Variants in FBXO38 observed in about 807,000 individuals in gnomAD.
FBXO38 encodes F-box only protein 38.
In FBXO38, 53 loss-of-function variants were observed where a neutral mutation model predicts 131.9. The observed-to-expected ratio is 0.40, with a 90% confidence interval of 0.32 to 0.51. The LOEUF (loss-of-function observed/expected upper bound fraction) is 0.51, where lower values mean the gene tolerates loss of function less well. FBXO38 is among the 20% of genes least tolerant of loss of function. The probability of loss-of-function intolerance (pLI) is 0.53; values close to 1 mark genes in which losing one functional copy is unlikely to be tolerated. For synonymous variants in FBXO38, 452 were observed against 505.6 expected, an observed-to-expected ratio of 0.89 and a Z score of 1.42; for missense variants, 1,076 against 1,475.6, an observed-to-expected ratio of 0.73 and a Z score of 4.44.
chr5:148,401,547 A>T (rs1752150767), intron 3 of FBXO38, among the ~76,000 whole-genome samples: 1 of 152,184 alleles, frequency 6.6e-6, no homozygotes, highest in South Asian at 2.1e-4. Context: ...TGAGGATCAT[A>T]TCTTATTTAT....
intron 15 of FBXO38, among the ~76,000 whole-genome samples, chr5:148,428,737 TG>T (rs751534461): frequency 2.0e-4 from 30 of 152,240 alleles, no homozygotes; most frequent in Non-Finnish European, 3.7e-4. Flanking sequence ...CAGTGCTTTT[TG>T]TATATTCAAA....
chr5:148,412,013 G>A (rs1752787857), intron 9 of FBXO38, among the ~76,000 whole-genome samples: 1 of 152,152 alleles, frequency 6.6e-6, no homozygotes, highest in Non-Finnish European at 1.5e-5. Flanking sequence ...TAGGTCTACT[G>A]AAGAATTGTC....
At chr5:148,435,824 C>G (rs531984151) in intron 17 of FBXO38, among the ~76,000 whole-genome samples, 1 of 152,154 alleles carries the variant, frequency 6.6e-6, no homozygotes, top group Non-Finnish European at 1.5e-5. Context: ...TTTACTTGAA[C>G]ACTTAGAGGC....
At chr5:148,428,363 G>T (rs984002294) in intron 15 of FBXO38, among the ~76,000 whole-genome samples, 1 of 152,160 alleles carries the variant, frequency 6.6e-6, no homozygotes, top group Non-Finnish European at 1.5e-5. Flanking sequence ...AGCTTCCTGT[G>T]TATACCCCTC....
At chr5:148,438,303 C>T (rs201308834) in intron 17 of FBXO38, 29 bp from the exon 18 acceptor site, 101 of 1,610,020 alleles carry the variant, frequency 6.3e-5, no homozygotes, top group African/African-American at 3.2e-4. Flanking sequence ...ATGATATGTA[C>T]GGAGCTTACC....
At chr5:148,441,844 C>A in intron 21 of FBXO38, 125 bp from the exon 22 acceptor site, 1 of 664,416 alleles carries the variant, frequency 1.5e-6, no homozygotes, top group Admixed American at 3.4e-5. Context: ...CATTCCTTGA[C>A]CTATTCATGC....
At chr5:148,414,417 T>A in intron 10 of FBXO38, 111 bp downstream of exon 10, 1 of 1,006,540 alleles carries the variant, frequency 9.9e-7, no homozygotes, top group South Asian at 1.7e-5. Flanking sequence ...TGTAGGTATT[T>A]CATTTGGATT....
chr5:148,427,860 G>A lies in FBXO38; in HGVS notation c.2566G>A (p.Asp856Asn). 6.3e-7 allele frequency: 1 copy of A among 1,589,214 alleles called. No individual in the cohort carries two copies. The highest frequency in any genetic ancestry group is 8.6e-7 in the Non-Finnish European group (1 of 1,168,806). Residue 856 changes from aspartate to asparagine, a missense_variant, in exon 15 of 22, where the codon GAC (aspartate) becomes AAC (asparagine). Asp to Asn is a conservative substitution (Grantham distance 23). Coordinates refer to ENST00000340253, the MANE Select transcript of FBXO38 (RefSeq NM_205836.3). ...RRGSSQPESCDVQSNEDYPRR... is the reference protein window; with the variant it reads ...RRGSSQPESCNVQSNEDYPRR... ...GGGGAGCTCCCAGCCTGAGAGTTGT[G>A]ACGTGCAGTCTAATGAAGACTACCC...
chr5:148,401,916 G>C (rs907875428), intron 3 of FBXO38, 66 bp from the exon 4 acceptor site: 18 of 1,440,438 alleles, frequency 1.2e-5, no homozygotes, highest in Non-Finnish European at 1.7e-5. Context: ...TAAAAATCAC[G>C]AGTGCCTAGT....
intron 15 of FBXO38, among the ~76,000 whole-genome samples, chr5:148,431,909 C>T (rs916183724): frequency 6.6e-6 from 1 of 152,134 alleles, no homozygotes; most frequent in Non-Finnish European, 1.5e-5. Context: ...AAAGCAGCTG[C>T]TTTGAATTGT....
At chr5:148,406,448 C>A (rs1752448944) in intron 7 of FBXO38, 54 bp downstream of exon 7, 2 of 1,361,398 alleles carry the variant, frequency 1.5e-6, no homozygotes, top group African/African-American at 3.0e-5. Flanking sequence ...TTAAAATAAT[C>A]ATTAAGCTTT....
chr5:148,399,059 A>G lies in FBXO38; in HGVS notation c.189A>G (p.Ala63=). Residue 63 remains alanine, a synonymous_variant, in exon 3 of 22, where the codon GCA becomes GCG. Transcript: ENST00000340253. ...MECLSRKLKE[A]VTLYLRVVRV... is the part of the protein sequence containing the mutation. ...GTCTTTCCCGGAAGCTAAAGGAAGC[A>G]GTGACCCTATATCTGCGAGTTGTGA... 6.2e-7 allele frequency: 1 copy of G among 1,613,610 alleles called. No homozygotes were observed. Among genetic ancestry groups the G allele is most frequent in the African/African-American group, 1.3e-5 (1 of 75,016 alleles).
At chr5:148,407,935 G>A (rs1290421686) in intron 7 of FBXO38, among the ~76,000 whole-genome samples, 2 of 150,880 alleles carry the variant, frequency 1.3e-5, no homozygotes, top group Non-Finnish European at 3.0e-5. Flanking sequence ...AAAAAAAAAA[G>A]AGAGAGAGAG....
At chr5:148,408,359 G>A (rs1018390108) in intron 7 of FBXO38, among the ~76,000 whole-genome samples, 3 of 152,216 alleles carry the variant, frequency 2.0e-5, no homozygotes, top group Non-Finnish European at 2.9e-5. Context: ...CATAGCAACA[G>A]TTGCATTCCT....
chr5:148,396,641 A>G (rs1375853719), intron 2 of FBXO38, among the ~76,000 whole-genome samples: 2 of 152,162 alleles, frequency 1.3e-5, no homozygotes, highest in African/African-American at 4.8e-5. Flanking sequence ...AATATATAAT[A>G]TGTATATATT....
In FBXO38 at chr5:148,427,810, C is replaced by G. The variant is rs1753811525; in HGVS notation, c.2516C>G (p.Ser839Cys). ...AHDERTNGSG[S>C]GATGEDRRGS... The stretch of plus-strand genomic sequence containing the variant: ...GATGAGAGGACTAATGGGAGTGGCT[C>G]TGGGGCTACAGGTGAGGACAGGAGG... Residue 839 changes from serine (S) to cysteine (C), a missense_variant, in exon 15 of 22, where the codon TCT becomes TGT. Around this residue, in one of 8 missense-constraint regions of FBXO38, gnomAD observed 213 missense variants for 225.2 expected, o/e 0.95. Transcript: ENST00000340253. 6.2e-7 allele frequency: 1 copy of G among 1,608,674 alleles called. No homozygotes were observed. The highest frequency in any genetic ancestry group is 8.5e-7 in the Non-Finnish European group (1 of 1,177,318).
intron 5 of FBXO38, among the ~76,000 whole-genome samples, chr5:148,404,328 T>C (rs192287046): frequency 4.6e-4 from 70 of 152,332 alleles, no homozygotes; most frequent in Middle Eastern, 3.4e-3. Flanking sequence ...TCCATCGTTA[T>C]AGTTTTGCTT....
At chr5:148,418,587 A>G (rs1156950637) in intron 12 of FBXO38, among the ~76,000 whole-genome samples, 1 of 152,186 alleles carries the variant, frequency 6.6e-6, no homozygotes. Context: ...AGGGCGAGAC[A>G]GTCACGTATT....
At chr5:148,415,712 A>C (rs548407761) in intron 10 of FBXO38, among the ~76,000 whole-genome samples, 1 of 152,174 alleles carries the variant, frequency 6.6e-6, no homozygotes, top group Non-Finnish European at 1.5e-5. Context: ...GGCTGATTGG[A>C]TTCAAATTAA....
Sources: gnomAD v4.1 joint callset for allele counts (sites outside exome capture counted in the v4.1 genomes callset) on GRCh38, gnomAD v4.1.1 for gene constraint, gnomAD v4.1.1 regional missense constraint, MANE v1.5 for transcripts, NCBI Gene and HGNC (gene_info 2026-07-23, HGNC 2026-07-21) for gene names.